Variants in ANKH observed in about 807,000 individuals in gnomAD.
ANKH encodes mineralization regulator ANKH.
In ANKH, 15 loss-of-function variants were observed where a neutral mutation model predicts 49.0. That is an observed-to-expected ratio of 0.31 (90% CI 0.20 to 0.47). The LOEUF (loss-of-function observed/expected upper bound fraction) is 0.47. Ranked by LOEUF, ANKH falls within the 20% of genes least tolerant of loss-of-function variation. The pLI, the probability that ANKH is intolerant of heterozygous loss-of-function variation, is 1.00. For missense variants in ANKH, 429 were observed against 652.0 expected (o/e 0.66, Z 3.72); for synonymous variants, 273 against 260.0 (o/e 1.05, Z -0.48).
intron 1 of ANKH, among the ~76,000 whole-genome samples, chr5:14,804,104 C>T (rs1462967900): frequency 6.6e-6 from 1 of 152,144 alleles, no homozygotes; most frequent in Non-Finnish European, 1.5e-5. Flanking sequence ...CCATGTTGGC[C>T]AGGCTGGTCT....
intron 1 of ANKH, among the ~76,000 whole-genome samples, chr5:14,847,054 A>T (rs1741984414): frequency 6.6e-6 from 1 of 151,932 alleles, no homozygotes; most frequent in Non-Finnish European, 1.5e-5. Flanking sequence ...TTTTAAAATG[A>T]CCATCTTACA....
chr5:14,798,020 T>G lies in ANKH; in HGVS notation c.97-28829A>C, dbSNP rs1053722355. Reference sequence around the variant, plus strand: ...TCTGGGGCATATAACGGGCCCTGTTTACTTTTCCTTCATGGTTGATCTTGA... The same window carrying G: ...TCTGGGGCATATAACGGGCCCTGTTGACTTTTCCTTCATGGTTGATCTTGA... On this transcript the variant is annotated intron_variant, in intron 1 of 11. Transcript: ENST00000284268. The G allele has an allele frequency of 4.4e-6, 7 of 1,576,118 alleles. No individual in the cohort carries two copies. In the African/African-American group the frequency reaches 8.1e-5, roughly 18 times the overall value.
At chr5:14,800,425 A>ACAAATCTTT (rs1277106631) in intron 1 of ANKH, among the ~76,000 whole-genome samples, 2 of 152,242 alleles carry the variant, frequency 1.3e-5, no homozygotes, top group Non-Finnish European at 2.9e-5. Context: ...CATGCTACAG[A>ACAAATCTTT]CAAATCTTTC....
At chr5:14,822,990 C>T (rs1229913581) in intron 1 of ANKH, among the ~76,000 whole-genome samples, 3 of 151,604 alleles carry the variant, frequency 2.0e-5, no homozygotes, top group Non-Finnish European at 1.5e-5. Flanking sequence ...GCCGAGATCA[C>T]GCCACTGCAC....
chr5:14,792,555 T>C (rs1467227531), intron 1 of ANKH, among the ~76,000 whole-genome samples: 2 of 152,116 alleles, frequency 1.3e-5, no homozygotes, highest in Non-Finnish European at 2.9e-5. Flanking sequence ...CTATCTAGGC[T>C]GATGAACACT....
At chr5:14,792,870 G>A (rs111854827) in intron 1 of ANKH, among the ~76,000 whole-genome samples, 1,727 of 149,332 alleles carry the variant, frequency 0.012, 41 homozygotes, top group African/African-American at 0.041. Flanking sequence ...CCAGCTACTC[G>A]GGAGGCTGAG....
At chr5:14,752,387 C>T (rs1338337661) in intron 4 of ANKH, among the ~76,000 whole-genome samples, 2 of 152,184 alleles carry the variant, frequency 1.3e-5, no homozygotes, top group Admixed American at 6.5e-5. Flanking sequence ...ATTTAAAATA[C>T]TAACCTATAA....
chr5:14,790,757 C>T (rs922438101), intron 1 of ANKH, among the ~76,000 whole-genome samples: 4 of 152,094 alleles, frequency 2.6e-5, no homozygotes, highest in South Asian at 2.1e-4. Context: ...TATAGGCGAG[C>T]GTCACCATGC....
At chr5:14,848,125 C>T (rs986006616) in intron 1 of ANKH, among the ~76,000 whole-genome samples, 2 of 152,082 alleles carry the variant, frequency 1.3e-5, no homozygotes, top group African/African-American at 2.4e-5. Context: ...GGCGATGGAC[C>T]GAGATTCTGT....
At chr5:14,793,014 A>G (rs1352115219) in intron 1 of ANKH, among the ~76,000 whole-genome samples, 3 of 76,432 alleles carry the variant, frequency 3.9e-5, no homozygotes, top group Non-Finnish European at 7.4e-5. Context: ...ATAAATATAT[A>G]TATATAAATA....
At chr5:14,811,185 A>T (rs1369606105) in intron 1 of ANKH, among the ~76,000 whole-genome samples, 1 of 152,202 alleles carries the variant, frequency 6.6e-6, no homozygotes, top group Admixed American at 6.5e-5. Flanking sequence ...GGCTTTCAAG[A>T]GTCTCGGCTC....
chr5:14,718,437 A>G (rs998295171), intron 8 of ANKH, among the ~76,000 whole-genome samples: 5 of 152,152 alleles, frequency 3.3e-5, no homozygotes, highest in Non-Finnish European at 5.9e-5. Flanking sequence ...GAAAAAAAAA[A>G]CTTTTCTCCA....
chr5:14,797,572 T>TGAGTGTCAACTTCA, intron 1 of ANKH: 1 of 1,610,638 alleles, frequency 6.2e-7, no homozygotes, highest in Non-Finnish European at 8.5e-7. Flanking sequence ...GAAAGGCAGT[T>TGAGTGTCAACTTCA]CACTTCAGCA....
intron 2 of ANKH, among the ~76,000 whole-genome samples, chr5:14,764,332 T>C (rs1303928501): frequency 6.6e-6 from 1 of 152,132 alleles, no homozygotes; most frequent in Non-Finnish European, 1.5e-5. Flanking sequence ...CATGTGTGCT[T>C]CTGTCCCTTC....
At chr5:14,715,319 C>T (rs1013072590) in intron 9 of ANKH, among the ~76,000 whole-genome samples, 1 of 152,140 alleles carries the variant, frequency 6.6e-6, no homozygotes, top group Admixed American at 6.5e-5. Flanking sequence ...TTAGTAGAGA[C>T]GGGGTTTCAC....
chr5:14,736,740 CA>C (rs1738195370), intron 8 of ANKH, among the ~76,000 whole-genome samples: 1 of 152,210 alleles, frequency 6.6e-6, no homozygotes, highest in Non-Finnish European at 1.5e-5. Flanking sequence ...TGTGGCATCC[CA>C]GGGGTGCTGG....
intron 1 of ANKH, among the ~76,000 whole-genome samples, chr5:14,861,104 G>A (rs544739446): frequency 6.6e-6 from 1 of 152,184 alleles, no homozygotes; most frequent in South Asian, 2.1e-4. Flanking sequence ...GTGAAGCAAG[G>A]GTTCTGAAAA....
chr5:14,791,501 GTT>G (rs1216618807), intron 1 of ANKH, among the ~76,000 whole-genome samples: 2 of 152,016 alleles, frequency 1.3e-5, no homozygotes, highest in Non-Finnish European at 2.9e-5. Context: ...TCTTAGCTTC[GTT>G]TTCTTTTTAT....
intron 7 of ANKH, among the ~76,000 whole-genome samples, chr5:14,744,481 G>A (rs980339754): frequency 6.6e-6 from 1 of 152,256 alleles, no homozygotes; most frequent in Non-Finnish European, 1.5e-5. Context: ...ACAGGTGATA[G>A]AGACAGGGAA....
Sources: gnomAD v4.1 joint callset for allele counts (sites outside exome capture counted in the v4.1 genomes callset) on GRCh38, gnomAD v4.1.1 for gene constraint, MANE v1.5 for transcripts, NCBI Gene and HGNC (gene_info 2026-07-23, HGNC 2026-07-21) for gene names.